Variants in CSMD1 observed in about 807,000 individuals in gnomAD.
CSMD1 encodes the protein CUB and sushi domain-containing protein 1.
In CSMD1, 213 loss-of-function variants were observed where a neutral mutation model predicts 417.5. The ratio of observed to expected loss-of-function variants is 0.51; its 90% confidence interval spans 0.46 to 0.57. CSMD1 has a LOEUF of 0.57. Ranked by LOEUF, CSMD1 falls within the 20% of genes least tolerant of loss-of-function variation. CSMD1 has a pLI of 0.00. For synonymous variants in CSMD1, 2,862 were observed against 1,736.8 expected (o/e 1.65, Z -16.11); for missense variants, 6,923 against 4,529.7 (o/e 1.53, Z -15.17).
chr8:3,221,735 G>A (rs890501892), intron 28 of CSMD1, among the ~76,000 whole-genome samples: 1 of 151,796 alleles, frequency 6.6e-6, no homozygotes, highest in Non-Finnish European at 1.5e-5. Context: ...GACTCAAATT[G>A]AACCAAATTC....
intron 1 of CSMD1, among the ~76,000 whole-genome samples, chr8:4,701,180 C>G (rs541757939): frequency 5.9e-5 from 9 of 152,122 alleles, no homozygotes; most frequent in African/African-American, 1.9e-4. Flanking sequence ...GGGGAGAGTC[C>G]GTCCGCTGTG....
chr8:3,665,298 G>A (rs1798628403), intron 7 of CSMD1, among the ~76,000 whole-genome samples: 1 of 152,152 alleles, frequency 6.6e-6, no homozygotes, highest in Non-Finnish European at 1.5e-5. Flanking sequence ...AGGAGGCTGA[G>A]GTGGGCGGAT....
chr8:4,551,511 A>G (rs1797866994), intron 2 of CSMD1, among the ~76,000 whole-genome samples: 1 of 152,098 alleles, frequency 6.6e-6, no homozygotes, highest in Non-Finnish European at 1.5e-5. Flanking sequence ...TTGAAATTGA[A>G]TGCTACCTGC....
intron 3 of CSMD1, among the ~76,000 whole-genome samples, chr8:4,259,863 T>C (rs897283826): frequency 4.6e-5 from 7 of 152,222 alleles, no homozygotes; most frequent in East Asian, 1.9e-4. Flanking sequence ...CCTTAAAATA[T>C]TGCAGCTTAA....
intron 1 of CSMD1, among the ~76,000 whole-genome samples, chr8:4,972,255 A>G (rs1293096838): frequency 6.6e-6 from 1 of 152,046 alleles, no homozygotes; most frequent in Non-Finnish European, 1.5e-5. Context: ...ATGGAATGGG[A>G]CACTGATATT....
At chr8:4,098,349 T>G (rs564538656) in intron 3 of CSMD1, among the ~76,000 whole-genome samples, 1 of 152,316 alleles carries the variant, frequency 6.6e-6, no homozygotes, top group South Asian at 2.1e-4. Flanking sequence ...ATCATAATAG[T>G]GTTGATCTTC....
At chr8:3,298,688 A>G (rs1346177408) in intron 25 of CSMD1, among the ~76,000 whole-genome samples, 3 of 152,218 alleles carry the variant, frequency 2.0e-5, no homozygotes, top group African/African-American at 7.2e-5. Flanking sequence ...TCCTGATCTC[A>G]GGTAATCTGC....
chr8:4,163,895 C>G lies in CSMD1; in HGVS notation c.416-131796G>C, dbSNP rs76228811. On this transcript the variant is annotated intron_variant, in intron 3 of 69. Transcript: ENST00000635120. ...GAAAAGAGAAACACTGGGTTTGAAT[C>G]AAGGTTTGGTTACTCGTTAGGTGAC... Among the ~76,000 whole-genome samples, 1,501 of 152,182 alleles carry G rather than the reference C, an allele frequency of 9.9e-3. 25 individuals are homozygous for G. Among genetic ancestry groups the G allele is most frequent in the African/African-American group, 0.034 (1,428 of 41,518 alleles).
At chr8:4,308,457 A>T (rs1798373311) in intron 3 of CSMD1, among the ~76,000 whole-genome samples, 1 of 152,070 alleles carries the variant, frequency 6.6e-6, no homozygotes, top group East Asian at 1.9e-4. Context: ...TTAGAAAAGG[A>T]TGTGATCTTC....
chr8:4,235,367 T>C (rs78891263), intron 3 of CSMD1, among the ~76,000 whole-genome samples: 2 of 151,890 alleles, frequency 1.3e-5, no homozygotes, highest in African/African-American at 4.8e-5. Flanking sequence ...TTTGTTTTTT[T>C]TTTGTTTGTT....
At chr8:4,474,367 T>A (rs983412972) in intron 2 of CSMD1, among the ~76,000 whole-genome samples, 1 of 152,134 alleles carries the variant, frequency 6.6e-6, no homozygotes, top group Non-Finnish European at 1.5e-5. Flanking sequence ...GTTGTCTAAC[T>A]TGAGCTGATT....
intron 3 of CSMD1, among the ~76,000 whole-genome samples, chr8:4,389,298 T>C (rs1426112890): frequency 1.3e-5 from 2 of 152,180 alleles, no homozygotes; most frequent in Non-Finnish European, 2.9e-5. Context: ...GAAAATGCGA[T>C]CATATAACTA....
intron 5 of CSMD1, among the ~76,000 whole-genome samples, chr8:3,972,591 C>T (rs184981073): frequency 1.4e-4 from 22 of 152,224 alleles, no homozygotes; most frequent in Non-Finnish European, 2.5e-4. Context: ...CTTTATAAAA[C>T]GGCCTTTATT....
intron 1 of CSMD1, among the ~76,000 whole-genome samples, chr8:4,882,188 T>C (rs1243303360): frequency 2.0e-5 from 3 of 151,934 alleles, no homozygotes; most frequent in Admixed American, 1.3e-4. Flanking sequence ...CACTAGACGG[T>C]GGTGTACACT....
chr8:4,717,479 C>T (rs974016801), intron 1 of CSMD1, among the ~76,000 whole-genome samples: 1 of 151,354 alleles, frequency 6.6e-6, no homozygotes, highest in African/African-American at 2.4e-5. Context: ...TACACACACA[C>T]CCCTTTCTAT....
intron 1 of CSMD1, among the ~76,000 whole-genome samples, chr8:4,706,599 T>G (rs1807953362): frequency 6.6e-6 from 1 of 152,242 alleles, no homozygotes; most frequent in Non-Finnish European, 1.5e-5. Flanking sequence ...TTCAACTATT[T>G]AGGAAGTGTC....
intron 1 of CSMD1, among the ~76,000 whole-genome samples, chr8:4,968,778 A>C (rs1810046944): frequency 6.6e-6 from 1 of 152,128 alleles, no homozygotes; most frequent in African/African-American, 2.4e-5. Flanking sequence ...AAAAATAATA[A>C]AAATAAAAAA....
At chr8:4,543,782 T>A (rs1797513973) in intron 2 of CSMD1, among the ~76,000 whole-genome samples, 2 of 151,854 alleles carry the variant, frequency 1.3e-5, no homozygotes, top group Admixed American at 1.3e-4. Flanking sequence ...TGGATTCATA[T>A]TCTCACCAGC....
At chr8:3,739,008 A>C (rs1386130643) in intron 6 of CSMD1, among the ~76,000 whole-genome samples, 1 of 152,192 alleles carries the variant, frequency 6.6e-6, no homozygotes, top group Non-Finnish European at 1.5e-5. Flanking sequence ...ATATATTGTT[A>C]TATTGTAACT....
Sources: gnomAD v4.1 joint callset for allele counts (sites outside exome capture counted in the v4.1 genomes callset) on GRCh38, gnomAD v4.1.1 for gene constraint, MANE v1.5 for transcripts, NCBI Gene and HGNC (gene_info 2026-07-23, HGNC 2026-07-21) for gene names.